Variants in KIRREL3 observed in about 807,000 individuals in gnomAD.
The protein encoded by KIRREL3 is kirre like nephrin family adhesion molecule 3, also known as kin of IRRE-like protein 3.
Under a neutral mutation model 89.7 loss-of-function variants are expected in KIRREL3, and 36 were observed. That is an observed-to-expected ratio of 0.40 (90% CI 0.31 to 0.53). The LOEUF is 0.53. Ranked by LOEUF, KIRREL3 falls within the 20% of genes least tolerant of loss-of-function variation. The pLI is 0.49. For missense variants in KIRREL3, 864 were observed against 1,056.6 expected, an observed-to-expected ratio of 0.82 and a Z score of 2.53; for synonymous variants, 445 against 441.4, an observed-to-expected ratio of 1.01 and a Z score of -0.10.
chr11:126,957,433 T>C (rs1324323687), intron 1 of KIRREL3, among the ~76,000 whole-genome samples: 1 of 152,194 alleles, frequency 6.6e-6, no homozygotes, highest in African/African-American at 2.4e-5. Context: ...GATTAATTGT[T>C]GAGTATTAAT....
In KIRREL3 at chr11:126,689,680, G is replaced by A. The variant is rs1011327748; in HGVS notation, c.56-126768C>T. Among the ~76,000 whole-genome samples the A allele has an allele frequency of 1.3e-5, 2 of 152,174 alleles. No individual in the cohort carries two copies. The highest frequency in any genetic ancestry group is 4.1e-4 in the South Asian group (2 of 4,826). ...TGCATTGCAAGGGCCTGGCTTTTAC[G>A]CAGTTTCGCTTCAAGTCAGTGCAAC... On this transcript the variant is annotated intron_variant, in intron 1 of 16. Transcript: ENST00000525144. This position sits in a 1 kb window ranked among gnomAD's most constrained non-coding sequence, Gnocchi z 5.2.
chr11:126,925,586 G>A (rs148332127), intron 1 of KIRREL3, among the ~76,000 whole-genome samples: 4 of 152,254 alleles, frequency 2.6e-5, no homozygotes, highest in Non-Finnish European at 5.9e-5. Context: ...CTCCTCCTTG[G>A]CAGTATGTCT....
rs1250995370 is a variant in KIRREL3, at chr11:126,764,180, G to T, written c.56-201268C>A. Reference sequence around the variant, plus strand: ...TCTAACCCACTCACCCACATACCCTGGGGCAAAATGAAACATAACTCAGTT... The same window carrying T: ...TCTAACCCACTCACCCACATACCCTTGGGCAAAATGAAACATAACTCAGTT... On this transcript the variant is annotated intron_variant, in intron 1 of 16. Transcript: ENST00000525144. The surrounding 1 kb of genome is among the most constrained non-coding windows in gnomAD (Gnocchi z 4.2). 6.6e-6 allele frequency among the ~76,000 whole-genome samples: 1 copy of T among 152,142 alleles called. No individual in the cohort carries two copies. The highest frequency in any genetic ancestry group is 1.5e-5 in the Non-Finnish European group (1 of 68,028).
chr11:126,958,388 C>T (rs1443927876), intron 1 of KIRREL3, among the ~76,000 whole-genome samples: 1 of 152,224 alleles, frequency 6.6e-6, no homozygotes, highest in African/African-American at 2.4e-5. Flanking sequence ...AACTCCCATC[C>T]TCTGGCCCAG....
rs1411296830 is a variant in KIRREL3, at chr11:126,989,599, G to A, written c.55+10856C>T. 6.6e-6 allele frequency among the ~76,000 whole-genome samples: 1 copy of A among 152,148 alleles called. No individual in the cohort carries two copies. The highest frequency in any genetic ancestry group is 1.5e-5 in the Non-Finnish European group (1 of 68,034). ...TTCTATTCCCGCTATCTTAGTTCAC[G>A]CTGCCTGTGGATCAACTCGGGATCT... On this transcript the variant is annotated intron_variant, in intron 1 of 16. Transcript: ENST00000525144. This position sits in a 1 kb window ranked among gnomAD's most constrained non-coding sequence, Gnocchi z 6.2.
At chr11:126,929,062 C>G (rs138945737) in intron 1 of KIRREL3, among the ~76,000 whole-genome samples, 3 of 152,264 alleles carry the variant, frequency 2.0e-5, no homozygotes, top group Admixed American at 1.3e-4. Flanking sequence ...CCCTTAGGAG[C>G]TTTTCAAGGA....
At chr11:126,939,595 C>T (rs991032015) in intron 1 of KIRREL3, among the ~76,000 whole-genome samples, 4 of 152,108 alleles carry the variant, frequency 2.6e-5, no homozygotes, top group Admixed American at 6.5e-5. Flanking sequence ...AGCATCACTT[C>T]GATTTGTGAG....
rs367859450 is a variant in KIRREL3 at position 126,440,509 on chromosome 11, G to A, written c.1293C>T (p.Leu431=). ...ACTTGATCTGGCCCTTCTCGCCGTGGAGGGCGTGCTGGGTCTGGGTGCTGG... is the reference window on the plus strand; with the variant it reads ...ACTTGATCTGGCCCTTCTCGCCGTGAAGGGCGTGCTGGGTCTGGGTGCTGG... ...IISSTQTQHA[L]HGEKGQIKCF... The change falls in exon 11 of 17, where the codon CTC becomes CTT. Residue 431 remains leucine, a synonymous_variant. Coordinates refer to ENST00000525144, the MANE Select transcript of KIRREL3 (RefSeq NM_032531.4). 6.2e-7 allele frequency: 1 copy of A among 1,602,450 alleles called. No homozygotes were observed. Among genetic ancestry groups the A allele is most frequent in the South Asian group, 1.1e-5 (1 of 88,338 alleles).
At chr11:126,690,136 C>T (rs996351790) in intron 1 of KIRREL3, among the ~76,000 whole-genome samples, 1 of 152,182 alleles carries the variant, frequency 6.6e-6, no homozygotes, top group East Asian at 1.9e-4. Context: ...TGCACTACTT[C>T]AGAATGGGAC....
chr11:126,691,559 T>G lies in KIRREL3; in HGVS notation c.56-128647A>C, dbSNP rs1056105104. ...AATGCATATTGCATGATACCCTTTG[T>G]AGACGGTTAAAATAAATCCAAACTG... On this transcript the variant is annotated intron_variant, in intron 1 of 16. Coordinates refer to ENST00000525144, the MANE Select transcript of KIRREL3 (RefSeq NM_032531.4). Among the ~76,000 whole-genome samples the G allele has an allele frequency of 3.9e-5, 6 of 152,214 alleles. No individual in the cohort carries two copies. In the East Asian group the frequency reaches 1.2e-3, roughly 29 times the overall value.
At position 126,562,708 on chromosome 11, in the gene KIRREL3, T is replaced by A. The variant is rs1410688410; in HGVS notation, c.133+127A>T. On this transcript the variant is annotated intron_variant, in intron 2 of 16. Transcript: ENST00000525144. The surrounding 1 kb of genome is among the most constrained non-coding windows in gnomAD (Gnocchi z 4.7). The stretch of plus-strand genomic sequence containing the variant: ...ACAAATGGCTTCATGGAAACCAAAC[T>A]GGTCTTCCCACTGTCCCCTTCTGAG... The A allele has an allele frequency of 4.5e-6, 3 of 663,952 alleles. No homozygotes were observed. Among genetic ancestry groups the A allele is most frequent in the Non-Finnish European group, 7.7e-6 (3 of 390,250 alleles). 41.1% of individuals were successfully genotyped at this position (663,952 alleles called of 1,614,324 possible).
chr11:126,621,709 A>G (rs1438596737), intron 1 of KIRREL3, among the ~76,000 whole-genome samples: 1 of 152,214 alleles, frequency 6.6e-6, no homozygotes, highest in Non-Finnish European at 1.5e-5. Context: ...CATCTATTAT[A>G]GTTTTACTAG....
chr11:126,824,161 A>G (rs1224873396), intron 1 of KIRREL3, among the ~76,000 whole-genome samples: 3 of 152,186 alleles, frequency 2.0e-5, no homozygotes, highest in Non-Finnish European at 4.4e-5. Context: ...ATGGAAGCAC[A>G]GGTTTCCTCT....
chr11:126,466,622 A>C (rs1404509461), intron 5 of KIRREL3, among the ~76,000 whole-genome samples: 2 of 152,192 alleles, frequency 1.3e-5, no homozygotes, highest in Non-Finnish European at 2.9e-5. Flanking sequence ...TCCTTTTCAG[A>C]AATGAATCTC....
rs924695224 is a variant in KIRREL3, at chr11:126,996,520, C to T, written c.55+3935G>A. ...TAGTTCAAGCCTCTTGAAGTGGCTC[C>T]TCCTTTTCCATGCTTCTTGTCATCT... On this transcript the variant is annotated intron_variant, in intron 1 of 16. Coordinates refer to ENST00000525144, the MANE Select transcript of KIRREL3 (RefSeq NM_032531.4). This position sits in a 1 kb window ranked among gnomAD's most constrained non-coding sequence, Gnocchi z 4.7. 6.6e-6 allele frequency among the ~76,000 whole-genome samples: 1 copy of T among 152,196 alleles called. No individual in the cohort carries two copies. Among genetic ancestry groups the T allele is most frequent in the Non-Finnish European group, 1.5e-5 (1 of 68,038 alleles).
At chr11:126,737,799 A>G (rs1424073365) in intron 1 of KIRREL3, among the ~76,000 whole-genome samples, 1 of 152,222 alleles carries the variant, frequency 6.6e-6, no homozygotes, top group Non-Finnish European at 1.5e-5. Context: ...ACAAGTATAC[A>G]ACATGTAATG....
Position 126,999,885 on chromosome 11 carries a change from T to C in KIRREL3, c.55+570A>G, listed in dbSNP as rs1950272731. On this transcript the variant is annotated intron_variant, in intron 1 of 16. Coordinates refer to ENST00000525144, the MANE Select transcript of KIRREL3 (RefSeq NM_032531.4). This position sits in a 1 kb window ranked among gnomAD's most constrained non-coding sequence, Gnocchi z 5.7. ...ATTCAACCTAATTTAGGGAACTCGA[T>C]GACGTTCAATGAAACTCTTTACAAG... Among the ~76,000 whole-genome samples, 1 of 152,230 alleles carries C rather than the reference T, an allele frequency of 6.6e-6. No homozygotes were observed. The highest frequency in any genetic ancestry group is 1.5e-5 in the Non-Finnish European group (1 of 68,044).
chr11:126,699,399 G>A (rs1310674236), intron 1 of KIRREL3, among the ~76,000 whole-genome samples: 2 of 152,192 alleles, frequency 1.3e-5, no homozygotes, highest in Non-Finnish European at 2.9e-5. Context: ...AATACAACAC[G>A]TTTCCAATTC....
At chr11:126,445,716 C>T (rs543294623) in intron 9 of KIRREL3, among the ~76,000 whole-genome samples, 5 of 152,212 alleles carry the variant, frequency 3.3e-5, no homozygotes, top group Non-Finnish European at 5.9e-5. Context: ...GATAATGCAG[C>T]GTCTGCTACA....
Sources: gnomAD v4.1 joint callset for allele counts (sites outside exome capture counted in the v4.1 genomes callset) on GRCh38, gnomAD v4.1.1 for gene constraint, Gnocchi (gnomAD v3.1) non-coding constraint, MANE v1.5 for transcripts, NCBI Gene and HGNC (gene_info 2026-07-23, HGNC 2026-07-21) for gene names.